The following CNTN4 variants were observed in gnomAD, a reference collection of about 807,000 sequenced individuals.
CNTN4 encodes the protein contactin 4, also known as contactin-4.
A neutral mutation model predicts 122.5 loss-of-function variants in CNTN4; 77 were observed. The ratio of observed to expected loss-of-function variants is 0.63; its 90% CI spans 0.52 to 0.76. CNTN4 has a LOEUF of 0.76. Ranked by LOEUF, CNTN4 falls within the 30% of genes least tolerant of loss-of-function variation. CNTN4 has a pLI of 0.00. For synonymous variants in CNTN4, 512 were observed against 447.0 expected (o/e 1.15, Z -1.83); for missense variants, 1,256 against 1,259.1 (o/e 1.00, Z 0.04).
chr3:2,517,886 G>T (rs189844847), intron 3 of CNTN4, among the ~76,000 whole-genome samples: 1 of 152,260 alleles, frequency 6.6e-6, no homozygotes, highest in African/African-American at 2.4e-5. Context: ...TTTGATGTGT[G>T]TGTTAAGTGT....
At chr3:2,370,564 G>T (rs34509123) in intron 3 of CNTN4, among the ~76,000 whole-genome samples, 14,335 of 152,150 alleles carry the variant, frequency 0.094, 1,027 homozygotes, top group African/African-American at 0.19. Flanking sequence ...GACAGCTGCT[G>T]AATGAGACAA....
intron 3 of CNTN4, among the ~76,000 whole-genome samples, chr3:2,465,888 G>A (rs2075480062): frequency 6.6e-6 from 1 of 152,094 alleles, no homozygotes; most frequent in African/African-American, 2.4e-5. Context: ...TTTTGATATG[G>A]AATATTTTAC....
At chr3:2,499,680 A>G (rs953585141) in intron 3 of CNTN4, among the ~76,000 whole-genome samples, 1 of 151,954 alleles carries the variant, frequency 6.6e-6, no homozygotes, top group Non-Finnish European at 1.5e-5. Context: ...GATTTCTCTC[A>G]TATTCTTCTT....
intron 3 of CNTN4, among the ~76,000 whole-genome samples, chr3:2,373,058 T>TA (rs947783735): frequency 6.6e-6 from 1 of 152,014 alleles, no homozygotes; most frequent in African/African-American, 2.4e-5. Flanking sequence ...AAAATCATAA[T>TA]AAAATAAGAT....
At chr3:2,444,984 C>G (rs2048567510) in intron 3 of CNTN4, among the ~76,000 whole-genome samples, 1 of 151,632 alleles carries the variant, frequency 6.6e-6, no homozygotes, top group Non-Finnish European at 1.5e-5. Flanking sequence ...TCCCCCCACC[C>G]CACTTCTTAC....
chr3:2,310,562 C>T (rs2042877767), intron 2 of CNTN4, among the ~76,000 whole-genome samples: 1 of 152,162 alleles, frequency 6.6e-6, no homozygotes, highest in Non-Finnish European at 1.5e-5. Context: ...ATCACACTTT[C>T]TCCTTATTTT....
intron 4 of CNTN4, among the ~76,000 whole-genome samples, chr3:2,687,810 G>C (rs779711737): frequency 6.6e-6 from 1 of 152,188 alleles, no homozygotes; most frequent in Non-Finnish European, 1.5e-5. Flanking sequence ...TCTAATGTTA[G>C]TGTAGGAAGA....
chr3:2,329,735 AT>A (rs11442632), intron 2 of CNTN4, among the ~76,000 whole-genome samples: 19 of 151,408 alleles, frequency 1.3e-4, no homozygotes, highest in African/African-American at 4.1e-4. Context: ...TTATTGAGGC[AT>A]TTTTTTTTAT....
chr3:2,367,333 G>C (rs2045430375), intron 3 of CNTN4, among the ~76,000 whole-genome samples: 1 of 152,064 alleles, frequency 6.6e-6, no homozygotes, highest in Admixed American at 6.5e-5. Context: ...CAAATTACTA[G>C]TGCTGTATTT....
chr3:2,629,798 G>T (rs1165090755), intron 4 of CNTN4, among the ~76,000 whole-genome samples: 1 of 152,142 alleles, frequency 6.6e-6, no homozygotes, highest in African/African-American at 2.4e-5. Flanking sequence ...GGGGAATCTT[G>T]TAGATTACTA....
Position 2,900,770 on chromosome 3 carries a change from G to T in CNTN4, c.1026G>T (p.Arg342Ser), listed in dbSNP as rs369297542. The change falls in exon 11 of 25, where the codon AGG becomes AGT. Residue 342 changes from arginine (R) to serine (S), a missense_variant. Arg to Ser is a moderately radical substitution (Grantham distance 110). Transcript: ENST00000418658. ...NVFWECKANG[R>S]PKPTYKWLKN... The stretch of plus-strand genomic sequence containing the variant: ...TTTGGGAATGTAAAGCAAATGGAAG[G>T]CCTAAGCCTACATACAAGTGGCTAA... The T allele has an allele frequency of 2.5e-6, 4 of 1,613,856 alleles. No individual in the cohort carries two copies. The highest frequency in any genetic ancestry group is 3.4e-6 in the Non-Finnish European group (4 of 1,179,848).
At chr3:2,523,312 A>T (rs938065022) in intron 3 of CNTN4, among the ~76,000 whole-genome samples, 1 of 145,066 alleles carries the variant, frequency 6.9e-6, no homozygotes, top group Non-Finnish European at 1.5e-5. Flanking sequence ...ATTGCATATT[A>T]TGTTGCTCCT....
At chr3:2,408,611 C>A (rs1346357466) in intron 3 of CNTN4, among the ~76,000 whole-genome samples, 1 of 152,032 alleles carries the variant, frequency 6.6e-6, no homozygotes, top group African/African-American at 2.4e-5. Flanking sequence ...GACAGAAGTT[C>A]CCAATTTTTC....
intron 14 of CNTN4, among the ~76,000 whole-genome samples, chr3:3,004,293 G>A (rs1032719640): frequency 6.6e-6 from 1 of 152,080 alleles, no homozygotes. Flanking sequence ...AGTTACTTTG[G>A]TGTTTTTCCT....
At chr3:2,466,099 G>C (rs1467790806) in intron 3 of CNTN4, among the ~76,000 whole-genome samples, 1 of 152,178 alleles carries the variant, frequency 6.6e-6, no homozygotes, top group African/African-American at 2.4e-5. Flanking sequence ...GAAGCCATCA[G>C]AACATAGGAT....
At chr3:2,685,327 T>G (rs2085377103) in intron 4 of CNTN4, among the ~76,000 whole-genome samples, 1 of 152,154 alleles carries the variant, frequency 6.6e-6, no homozygotes. Context: ...TTCTATTACC[T>G]TCAATTGGTG....
chr3:2,904,618 T>C (rs2094209629), intron 12 of CNTN4, among the ~76,000 whole-genome samples: 1 of 152,164 alleles, frequency 6.6e-6, no homozygotes, highest in Admixed American at 6.5e-5. Context: ...GGAACAATAA[T>C]TTTCAACCCC....
At chr3:2,506,755 A>T (rs1327182446) in intron 3 of CNTN4, among the ~76,000 whole-genome samples, 1 of 152,166 alleles carries the variant, frequency 6.6e-6, no homozygotes, top group Non-Finnish European at 1.5e-5. Context: ...GATATTTGGA[A>T]GTACATGGAG....
At chr3:2,806,147 T>C (rs7649087) in intron 6 of CNTN4, among the ~76,000 whole-genome samples, 37,790 of 151,746 alleles carry the variant, frequency 0.25, 5,740 homozygotes, top group East Asian at 0.44. Context: ...GGGATCCGCC[T>C]GCCTCGGCCT....
Sources: gnomAD v4.1 joint callset for allele counts (sites outside exome capture counted in the v4.1 genomes callset) on GRCh38, gnomAD v4.1.1 for gene constraint, MANE v1.5 for transcripts, NCBI Gene and HGNC (gene_info 2026-07-23, HGNC 2026-07-21) for gene names.